MYOF: variants seen among roughly 807,000 people sequenced by gnomAD.
MYOF encodes the protein myoferlin, also known as fer-1-like 3, myoferlin.
Under a neutral mutation model 284.2 loss-of-function variants are expected in MYOF, and 244 were observed. The ratio of observed to expected loss-of-function variants is 0.86; its 90% confidence interval spans 0.77 to 0.95. The LOEUF is 0.95. Among genes scored for constraint, MYOF ranks in the 40% least tolerant of loss-of-function variants. The probability of loss-of-function intolerance (pLI) is 0.00; values close to 1 mark genes in which losing one functional copy is unlikely to be tolerated. For missense variants in MYOF, 2,496 were observed against 2,560.6 expected (o/e 0.97, Z 0.54); for synonymous variants, 904 against 919.7 (o/e 0.98, Z 0.31).
chr10:93,434,967 G>A (rs1171888963), intron 3 of MYOF, among the ~76,000 whole-genome samples: 1 of 152,114 alleles, frequency 6.6e-6, no homozygotes, highest in Non-Finnish European at 1.5e-5. Flanking sequence ...GAGTATTAAG[G>A]AGAATTTATT....
intron 49 of MYOF, 78 bp from the exon 50 acceptor site, chr10:93,316,891 G>A: frequency 8.3e-7 from 1 of 1,200,786 alleles, no homozygotes; most frequent in Non-Finnish European, 1.2e-6. Flanking sequence ...CAAAGCCTGG[G>A]GCCTTTCTCT....
chr10:93,328,216 G>C (rs893706469), intron 45 of MYOF, among the ~76,000 whole-genome samples: 1 of 152,148 alleles, frequency 6.6e-6, no homozygotes, highest in South Asian at 2.1e-4. Flanking sequence ...GCAAAATATG[G>C]AAGCACAGTT....
At chr10:93,381,161 C>A (rs193285796) in intron 20 of MYOF, 58 bp downstream of exon 20, 1 of 1,562,688 alleles carries the variant, frequency 6.4e-7, no homozygotes, top group Non-Finnish European at 8.8e-7. Flanking sequence ...TGCTTGCTTC[C>A]GGTCCCGTGG....
Position 93,329,792 on chromosome 10 carries a change from C to T in MYOF, c.4854G>A (p.Leu1618=). Residue 1618 remains leucine (L), a synonymous_variant, in exon 44 of 54, where the codon CTG becomes CTA. Coordinates refer to ENST00000359263, the MANE Select transcript of MYOF (RefSeq NM_013451.4). The stretch of plus-strand genomic sequence containing the variant: ...TGTCATAATCATAGACAGAAATTTT[C>T]AGGTCTTTTTCTTGAGGTAAGTAGC... The part of the protein sequence containing the change: ...LSCYLPQEKD[L]KISVYDYDTF... 1 of 1,614,200 alleles carries T rather than the reference C, an allele frequency of 6.2e-7. No homozygotes were observed. The highest frequency in any genetic ancestry group is 1.1e-5 in the South Asian group (1 of 91,084).
At chr10:93,421,597 C>T (rs1589542083) in intron 5 of MYOF, among the ~76,000 whole-genome samples, 1 of 152,296 alleles carries the variant, frequency 6.6e-6, no homozygotes, top group Non-Finnish European at 1.5e-5. Context: ...GGTGGCTTCT[C>T]CGCAGTAATG....
chr10:93,408,557 A>G (rs145495463), intron 7 of MYOF, among the ~76,000 whole-genome samples: 3 of 151,842 alleles, frequency 2.0e-5, no homozygotes, highest in African/African-American at 7.2e-5. Flanking sequence ...AAAAAGCTAT[A>G]TTTGTTACTT....
chr10:93,322,725 G>C (rs1206307744), intron 48 of MYOF, among the ~76,000 whole-genome samples: 2 of 152,124 alleles, frequency 1.3e-5, no homozygotes, highest in Non-Finnish European at 2.9e-5. Context: ...TGTTTCTAAG[G>C]CTAGTTATTC....
chr10:93,421,113 G>A (rs1848339418), intron 5 of MYOF, among the ~76,000 whole-genome samples: 1 of 152,152 alleles, frequency 6.6e-6, no homozygotes, highest in South Asian at 2.1e-4. Flanking sequence ...AGCTACTCAG[G>A]TGGCTGAGCA....
intron 26 of MYOF, 27 bp downstream of exon 26, chr10:93,366,365 T>G: frequency 6.2e-7 from 1 of 1,603,978 alleles, no homozygotes; most frequent in East Asian, 2.2e-5. Context: ...ATTGCTATCC[T>G]TTTTACTCAG....
At chr10:93,477,785 T>C (rs1024692618) in intron 1 of MYOF, among the ~76,000 whole-genome samples, 2 of 152,086 alleles carry the variant, frequency 1.3e-5, no homozygotes, top group African/African-American at 4.8e-5. Flanking sequence ...AGGTGGAGGT[T>C]GCAGTGAGCC....
At chr10:93,437,651 T>C (rs190388102) in intron 3 of MYOF, among the ~76,000 whole-genome samples, 1 of 152,346 alleles carries the variant, frequency 6.6e-6, no homozygotes, top group African/African-American at 2.4e-5. Context: ...CAAACACGAT[T>C]CCAGGCTGCT....
intron 17 of MYOF, among the ~76,000 whole-genome samples, chr10:93,389,935 G>T (rs1846595084): frequency 6.6e-6 from 1 of 152,252 alleles, no homozygotes; most frequent in South Asian, 2.1e-4. Context: ...AAGGACCACT[G>T]CTGGGAGCTA....
chr10:93,329,080 A>T (rs1169587663), intron 44 of MYOF, among the ~76,000 whole-genome samples, 169 bp from the exon 45 acceptor site: 2 of 152,156 alleles, frequency 1.3e-5, no homozygotes, highest in African/African-American at 4.8e-5. Context: ...CTAAAAACCC[A>T]TATGCTATTT....
At chr10:93,321,483 C>A (rs1040330652) in intron 48 of MYOF, among the ~76,000 whole-genome samples, 1 of 145,720 alleles carries the variant, frequency 6.9e-6, no homozygotes, top group Admixed American at 7.0e-5. Context: ...CTTCAAACTA[C>A]GGGGCTCAAG....
At position 93,319,760 on chromosome 10, in the gene MYOF, G is replaced by A. The variant is rs973225898; in HGVS notation, c.5598+112C>T. On this transcript the variant is annotated intron_variant, in intron 49 of 53. Transcript: ENST00000359263. ...GCAGATTCCCCATCTCTGCTGAGAA[G>A]GAGCCGGACTCAGTGACCTCCGAGA... 173 of 1,430,028 alleles carry A rather than the reference G, an allele frequency of 1.2e-4. 1 individual carries two copies. The Admixed American group carries it at 3.2e-3, about 27-fold the overall frequency. 88.6% of individuals were successfully genotyped at this position (1,430,028 alleles called of 1,614,324 possible). A position where few individuals can be genotyped will look rare whatever the true frequency, so the allele number is the denominator to read the frequency against.
intron 3 of MYOF, among the ~76,000 whole-genome samples, chr10:93,448,442 C>T (rs756049305): frequency 7.2e-5 from 11 of 152,002 alleles, no homozygotes; most frequent in East Asian, 1.9e-4. Context: ...TCATGGTACC[C>T]GACATATTAT....
Position 93,389,159 on chromosome 10 carries a change from G to C in MYOF, c.1457-5C>G. 4 of 1,612,082 alleles carry C rather than the reference G, an allele frequency of 2.5e-6. No individual in the cohort carries two copies. The highest frequency in any genetic ancestry group is 3.4e-6 in the Non-Finnish European group (4 of 1,179,354). On this transcript the variant is annotated splice_region_variant and splice_polypyrimidine_tract_variant and intron_variant, in intron 17 of 53. Coordinates refer to ENST00000359263, the MANE Select transcript of MYOF (RefSeq NM_013451.4). ...CCTCTGTTTCTCCTGTGTTTACTGA[G>C]AGAGAAACATCATCATGAGGTGTTA...
chr10:93,390,652 G>A (rs1371801876), intron 17 of MYOF, among the ~76,000 whole-genome samples: 1 of 152,168 alleles, frequency 6.6e-6, no homozygotes, highest in Non-Finnish European at 1.5e-5. Context: ...TTGCAAAGAC[G>A]ATTAATTGAT....
intron 19 of MYOF, among the ~76,000 whole-genome samples, chr10:93,384,406 G>T (rs1329749683): frequency 6.6e-6 from 1 of 152,350 alleles, no homozygotes; most frequent in South Asian, 2.1e-4. Context: ...TTGGGAGGCC[G>T]AGGCTGGCGG....
Sources: gnomAD v4.1 joint callset for allele counts (sites outside exome capture counted in the v4.1 genomes callset) on GRCh38, gnomAD v4.1.1 for gene constraint, MANE v1.5 for transcripts, NCBI Gene and HGNC (gene_info 2026-07-23, HGNC 2026-07-21) for gene names.